Variants in PLCXD3 observed in about 807,000 individuals in gnomAD.
PLCXD3 encodes PI-PLC X domain-containing protein 3.
A neutral mutation model predicts 25.5 loss-of-function variants in PLCXD3; 19 were observed. The ratio of observed to expected loss-of-function variants is 0.75; its 90% CI spans 0.52 to 1.09. PLCXD3 has a LOEUF of 1.09. Ranked by LOEUF, PLCXD3 falls within the 50% of genes least tolerant of loss-of-function variation. The probability of loss-of-function intolerance (pLI) is 0.00; values close to 1 mark genes in which losing one functional copy is unlikely to be tolerated. For missense variants in PLCXD3, 411 were observed against 388.1 expected, an observed-to-expected ratio of 1.06 and a Z score of -0.50; for synonymous variants, 174 against 137.6, an observed-to-expected ratio of 1.26 and a Z score of -1.85.
At chr5:41,411,148 C>T (rs1746508751) in intron 1 of PLCXD3, among the ~76,000 whole-genome samples, 1 of 152,172 alleles carries the variant, frequency 6.6e-6, no homozygotes, top group Non-Finnish European at 1.5e-5. Context: ...AATAAACAGT[C>T]TAATTATTAA....
chr5:41,430,397 T>G (rs1300020632), intron 1 of PLCXD3, among the ~76,000 whole-genome samples: 1 of 152,202 alleles, frequency 6.6e-6, no homozygotes, highest in Non-Finnish European at 1.5e-5. Context: ...AGAATTGACC[T>G]GTCTGTAGTT....
chr5:41,374,977 C>T (rs1745243260), intron 2 of PLCXD3, among the ~76,000 whole-genome samples: 1 of 152,070 alleles, frequency 6.6e-6, no homozygotes, highest in Admixed American at 6.5e-5. Flanking sequence ...GCTCTCCAAA[C>T]TGCTAAAATG....
At chr5:41,488,176 T>G (rs80115642) in intron 1 of PLCXD3, among the ~76,000 whole-genome samples, 1 of 150,910 alleles carries the variant, frequency 6.6e-6, no homozygotes, top group Non-Finnish European at 1.5e-5. Flanking sequence ...TATGCGGTGT[T>G]TGTTTGGTTT....
intron 2 of PLCXD3, among the ~76,000 whole-genome samples, chr5:41,356,253 C>A (rs973026899): frequency 2.0e-5 from 3 of 151,996 alleles, no homozygotes; most frequent in Non-Finnish European, 4.4e-5. Context: ...GAGACAAGAG[C>A]GAAACTCTGT....
At chr5:41,463,714 C>T (rs931183211) in intron 1 of PLCXD3, among the ~76,000 whole-genome samples, 1 of 151,982 alleles carries the variant, frequency 6.6e-6, no homozygotes. Context: ...AATATAAGGG[C>T]TAGGAGTTCT....
At chr5:41,507,325 A>G (rs983194092) in intron 1 of PLCXD3, among the ~76,000 whole-genome samples, 8 of 152,254 alleles carry the variant, frequency 5.3e-5, no homozygotes, top group African/African-American at 1.9e-4. Context: ...GTTTAGGGCC[A>G]TCAGAGAGAG....
chr5:41,321,537 G>C (rs540183516), intron 2 of PLCXD3, among the ~76,000 whole-genome samples: 65 of 152,232 alleles, frequency 4.3e-4, no homozygotes, highest in South Asian at 1.5e-3. Context: ...GCAATCTACT[G>C]TCAAAATACT....
chr5:41,307,609 C>G lies in PLCXD3; in HGVS notation c.*6008G>C, dbSNP rs1460674818. On this transcript the variant is annotated 3_prime_UTR_variant, in exon 3 of 3. Transcript: ENST00000377801. ...TCTATCCCCTACTTGCGCCTGCCTC[C>G]CCTGTCCCCCAACAATGTTCTGAGA... 6.6e-6 allele frequency: 1 copy of G among 152,288 alleles called. No homozygotes were observed. The highest frequency in any genetic ancestry group is 1.5e-5 in the Non-Finnish European group (1 of 68,186). The allele number at this position is 152,288 out of a possible 1,614,324, so 9.4% of individuals were successfully genotyped here.
chr5:41,324,639 C>T (rs7719641), intron 2 of PLCXD3, among the ~76,000 whole-genome samples: 18,635 of 152,174 alleles, frequency 0.12, 1,236 homozygotes, highest in Middle Eastern at 0.13. Context: ...TTCATTAGAA[C>T]GACAGATACT....
chr5:41,403,408 T>TTTTTTTTTTTTTTTTTTTTTTTA (rs1554047966), intron 1 of PLCXD3, among the ~76,000 whole-genome samples: 2 of 26,230 alleles, frequency 7.6e-5, no homozygotes, highest in Admixed American at 3.1e-4. Context: ...GTTGTTTTTT[T>TTTTTTTTTTTTTTTTTTTTTTTA]TTTTTTTTAT....
intron 1 of PLCXD3, among the ~76,000 whole-genome samples, chr5:41,431,161 T>G (rs964583208): frequency 4.6e-5 from 7 of 152,222 alleles, no homozygotes; most frequent in Non-Finnish European, 7.3e-5. Context: ...TAGAGGGATT[T>G]TATCTCTAAC....
chr5:41,492,468 C>T (rs906873469), intron 1 of PLCXD3, among the ~76,000 whole-genome samples: 6 of 148,700 alleles, frequency 4.0e-5, no homozygotes, highest in African/African-American at 1.5e-4. Flanking sequence ...TTTCCTGAAT[C>T]TGAATGTTGG....
intron 2 of PLCXD3, among the ~76,000 whole-genome samples, chr5:41,331,836 A>G (rs996977750): frequency 6.6e-6 from 1 of 152,216 alleles, no homozygotes; most frequent in African/African-American, 2.4e-5. Context: ...AAAAAAAGCA[A>G]TGGGGAAAGG....
At chr5:41,369,836 C>A (rs1561248415) in intron 2 of PLCXD3, among the ~76,000 whole-genome samples, 1 of 152,118 alleles carries the variant, frequency 6.6e-6, no homozygotes, top group African/African-American at 2.4e-5. Flanking sequence ...AATTTTTGAA[C>A]CTGAGCTAAA....
At chr5:41,401,701 T>C (rs1053543308) in intron 1 of PLCXD3, among the ~76,000 whole-genome samples, 1 of 152,040 alleles carries the variant, frequency 6.6e-6, no homozygotes, top group Non-Finnish European at 1.5e-5. Context: ...ATTATTTTCC[T>C]CTTAAATTTT....
At chr5:41,398,015 G>T (rs1456000156) in intron 1 of PLCXD3, among the ~76,000 whole-genome samples, 6 of 152,156 alleles carry the variant, frequency 3.9e-5, no homozygotes, top group African/African-American at 1.4e-4. Context: ...GATTTACCTT[G>T]TCTCAGATGT....
chr5:41,464,123 A>G (rs1747956195), intron 1 of PLCXD3, among the ~76,000 whole-genome samples: 2 of 151,908 alleles, frequency 1.3e-5, no homozygotes, highest in South Asian at 4.1e-4. Context: ...TCCTTATTCA[A>G]TCATTTAGTG....
intron 1 of PLCXD3, among the ~76,000 whole-genome samples, chr5:41,396,368 G>C (rs1746008167): frequency 1.3e-5 from 2 of 152,034 alleles, no homozygotes; most frequent in South Asian, 4.2e-4. Context: ...AGACATGCTT[G>C]ATTCCCCTTC....
At chr5:41,355,394 G>A (rs1744589084) in intron 2 of PLCXD3, among the ~76,000 whole-genome samples, 1 of 152,204 alleles carries the variant, frequency 6.6e-6, no homozygotes, top group Admixed American at 6.5e-5. Flanking sequence ...GAACACTGCA[G>A]CTTGCATAAT....
Sources: allele counts gnomAD v4.1 joint callset (sites outside exome capture counted in the v4.1 genomes callset), GRCh38; gene constraint gnomAD v4.1.1; transcripts MANE v1.5; gene names NCBI Gene and HGNC (gene_info 2026-07-23, HGNC 2026-07-21).